KIF26B: variants seen among roughly 807,000 people sequenced by gnomAD.
KIF26B encodes the protein kinesin-like protein KIF26B.
In KIF26B, 63 loss-of-function variants were observed where a neutral mutation model predicts 151.2. The observed-to-expected ratio is 0.42, with a 90% CI of 0.34 to 0.51. The LOEUF (loss-of-function observed/expected upper bound fraction) is 0.51. Among genes scored for constraint, KIF26B ranks in the 20% least tolerant of loss-of-function variants. The pLI, the probability that KIF26B is intolerant of heterozygous loss-of-function variation, is 0.07. For synonymous variants in KIF26B, 1,357 were observed against 1,262.1 expected (o/e 1.08, Z -1.59); for missense variants, 2,813 against 2,913.6 (o/e 0.97, Z 0.79).
At chr1:245,391,665 A>G (rs962374549) in intron 3 of KIF26B, among the ~76,000 whole-genome samples, 6 of 152,064 alleles carry the variant, frequency 3.9e-5, no homozygotes, top group African/African-American at 1.4e-4. Context: ...CAAAAAAAAA[A>G]AAAAAAAAGA....
At chr1:245,292,075 C>G (rs991911733) in intron 2 of KIF26B, among the ~76,000 whole-genome samples, 1 of 152,204 alleles carries the variant, frequency 6.6e-6, no homozygotes, top group Non-Finnish European at 1.5e-5. Context: ...ATAGATAATA[C>G]ATGTAGAGGC....
intron 2 of KIF26B, among the ~76,000 whole-genome samples, chr1:245,329,859 C>CTGGA (rs1361157481): frequency 6.6e-6 from 1 of 152,212 alleles, no homozygotes; most frequent in Non-Finnish European, 1.5e-5. Context: ...GTTGTACAGG[C>CTGGA]TGGAGTGCAG....
chr1:245,426,140 A>G (rs983024827), intron 4 of KIF26B, among the ~76,000 whole-genome samples: 3 of 151,724 alleles, frequency 2.0e-5, no homozygotes, highest in African/African-American at 7.3e-5. Flanking sequence ...TTTTTTGCTC[A>G]TTATTGACTC....
intron 9 of KIF26B, among the ~76,000 whole-genome samples, chr1:245,641,535 T>TC (rs1180178268): frequency 2.7e-5 from 4 of 149,514 alleles, no homozygotes; most frequent in East Asian, 2.0e-4. Context: ...TTCTTTTTTT[T>TC]CTCTTCTGAC....
intron 9 of KIF26B, among the ~76,000 whole-genome samples, chr1:245,619,603 C>CAAAAA (rs34022501): frequency 2.8e-4 from 31 of 110,744 alleles, no homozygotes; most frequent in African/African-American, 1.0e-3. Context: ...GAAACTGTTT[C>CAAAAA]AAAAAAAAAA....
chr1:245,313,654 C>T (rs961623393), intron 2 of KIF26B, among the ~76,000 whole-genome samples: 2 of 152,306 alleles, frequency 1.3e-5, no homozygotes, highest in South Asian at 2.1e-4. Flanking sequence ...TCACAGATCC[C>T]GCGGCAAGCA....
At chr1:245,183,547 C>A (rs1668943186) in intron 2 of KIF26B, among the ~76,000 whole-genome samples, 1 of 152,172 alleles carries the variant, frequency 6.6e-6, no homozygotes. Flanking sequence ...TGTGGATTTT[C>A]TTTTCTGTCC....
intron 5 of KIF26B, among the ~76,000 whole-genome samples, chr1:245,599,605 C>T (rs1384318060): frequency 6.6e-6 from 1 of 152,208 alleles, no homozygotes; most frequent in East Asian, 1.9e-4. Context: ...AATAGAAAAG[C>T]AGTGGGCTGT....
intron 2 of KIF26B, among the ~76,000 whole-genome samples, chr1:245,335,653 A>T (rs1672206036): frequency 6.7e-6 from 1 of 148,738 alleles, no homozygotes; most frequent in African/African-American, 2.5e-5. Flanking sequence ...CACGAGGGGA[A>T]AGGGGGGTCC....
chr1:245,360,534 A>G (rs918536429), intron 2 of KIF26B, among the ~76,000 whole-genome samples: 4 of 152,254 alleles, frequency 2.6e-5, no homozygotes, highest in Non-Finnish European at 5.9e-5. Flanking sequence ...TAAAATAAGT[A>G]TGATTATTGA....
chr1:245,581,088 A>G (rs1380462083), intron 5 of KIF26B, among the ~76,000 whole-genome samples: 2 of 152,260 alleles, frequency 1.3e-5, no homozygotes, highest in African/African-American at 4.8e-5. Context: ...GCACAGGAAG[A>G]GCGTTGGCCA....
intron 2 of KIF26B, among the ~76,000 whole-genome samples, chr1:245,261,876 C>T (rs1032332959): frequency 6.6e-6 from 1 of 152,114 alleles, no homozygotes; most frequent in African/African-American, 2.4e-5. Flanking sequence ...CGCCACCATG[C>T]CCGGCTCAAC....
At chr1:245,536,215 G>T (rs559233901) in intron 4 of KIF26B, among the ~76,000 whole-genome samples, 18 of 152,186 alleles carry the variant, frequency 1.2e-4, no homozygotes, top group African/African-American at 4.1e-4. Context: ...CAAAAAAATG[G>T]CTTATGAAAG....
intron 12 of KIF26B, among the ~76,000 whole-genome samples, chr1:245,689,902 C>T (rs1414242423): frequency 3.3e-5 from 5 of 152,146 alleles, no homozygotes; most frequent in Non-Finnish European, 7.3e-5. Context: ...GGCACGTACT[C>T]CAGAATAATT....
intron 4 of KIF26B, among the ~76,000 whole-genome samples, chr1:245,496,761 A>G (rs897230092): frequency 2.6e-5 from 4 of 152,206 alleles, no homozygotes; most frequent in Admixed American, 2.0e-4. Flanking sequence ...GTTAGACTGT[A>G]TTTTAAAGAC....
intron 10 of KIF26B, among the ~76,000 whole-genome samples, chr1:245,660,439 G>C (rs2044123561): frequency 6.6e-6 from 1 of 150,596 alleles, no homozygotes; most frequent in African/African-American, 2.4e-5. Flanking sequence ...GGGCTCAACA[G>C]CGATCCTCCC....
intron 14 of KIF26B, among the ~76,000 whole-genome samples, chr1:245,701,198 G>C (rs1558281351): frequency 6.6e-6 from 1 of 152,146 alleles, no homozygotes; most frequent in Non-Finnish European, 1.5e-5. Flanking sequence ...TACATGAAAG[G>C]GGAAATATAT....
intron 4 of KIF26B, among the ~76,000 whole-genome samples, chr1:245,466,382 C>A (rs1659793409): frequency 6.6e-6 from 1 of 152,120 alleles, no homozygotes; most frequent in Admixed American, 6.5e-5. Context: ...AAGAAAGGAT[C>A]TGGTGAAGGA....
chr1:245,376,666 C>A (rs1673280418), intron 3 of KIF26B, among the ~76,000 whole-genome samples: 1 of 152,098 alleles, frequency 6.6e-6, no homozygotes, highest in Admixed American at 6.6e-5. Context: ...TTACTACTAA[C>A]TATGTGGCTT....
Sources: allele counts gnomAD v4.1 joint callset (sites outside exome capture counted in the v4.1 genomes callset), GRCh38; gene constraint gnomAD v4.1.1; transcripts MANE v1.5; gene names NCBI Gene and HGNC (gene_info 2026-07-23, HGNC 2026-07-21).